Variants in GTF3C3 observed in about 807,000 individuals in gnomAD.
The protein encoded by GTF3C3 is general transcription factor 3C polypeptide 3.
GTF3C3 carries 75 observed loss-of-function variants against 105.2 expected under a neutral mutation model. The ratio of observed to expected loss-of-function variants is 0.71; its 90% CI spans 0.59 to 0.86. GTF3C3 has a LOEUF of 0.86. GTF3C3 is among the 40% of genes least tolerant of loss of function. GTF3C3 has a pLI of 0.00. For missense variants in GTF3C3, 856 were observed against 1,076.5 expected (o/e 0.80, Z 2.87); for synonymous variants, 335 against 370.4 (o/e 0.90, Z 1.10).
At chr2:196,798,948 TAAGC>T (rs1409580751) in intron 1 of GTF3C3, among the ~76,000 whole-genome samples, 8 of 151,970 alleles carry the variant, frequency 5.3e-5, no homozygotes, top group Admixed American at 5.2e-4. Context: ...GCACTTGAAG[TAAGC>T]AAGAAGATAC....
chr2:196,790,166 T>C, intron 4 of GTF3C3, 96 bp from the exon 5 acceptor site: 1 of 679,724 alleles, frequency 1.5e-6, no homozygotes. Context: ...TTTTTTTAAA[T>C]ACCTAAACTC....
rs1027527898 is a variant in GTF3C3, at chr2:196,773,167, A to G, written c.1832-14T>C. The G allele has an allele frequency of 5.6e-6, 8 of 1,417,914 alleles. No homozygotes were observed. The highest frequency in any genetic ancestry group is 3.8e-5 in the Admixed American group (2 of 53,058). 87.8% of individuals were successfully genotyped at this position (1,417,914 alleles called of 1,614,324 possible). On this transcript the variant is annotated splice_polypyrimidine_tract_variant and intron_variant, in intron 13 of 17. Transcript: ENST00000263956. ...CAGCAAATATTGCTAAAATGAGACC[A>G]ATGAAAACCAGTTAGGACACTGTAT...
At chr2:196,787,015 T>C (rs1699463163) in intron 6 of GTF3C3, among the ~76,000 whole-genome samples, 1 of 152,116 alleles carries the variant, frequency 6.6e-6, no homozygotes, top group Non-Finnish European at 1.5e-5. Flanking sequence ...TTTCTTTTAG[T>C]CTCCCAGCTG....
chr2:196,770,539 C>T (rs1699154095), intron 15 of GTF3C3, among the ~76,000 whole-genome samples: 1 of 152,068 alleles, frequency 6.6e-6, no homozygotes, highest in African/African-American at 2.4e-5. Context: ...TTTGTTTTTT[C>T]TGAGAAAGCT....
At position 196,763,331 on chromosome 2, in the gene GTF3C3, G is replaced by C. The variant is rs886530906; in HGVS notation, c.*1232C>G. 1 of 152,006 alleles carries C rather than the reference G, an allele frequency of 6.6e-6. No individual in the cohort carries two copies. The highest frequency in any genetic ancestry group is 2.4e-5 in the African/African-American group (1 of 41,372). The allele number at this position is 152,006 out of a possible 1,614,324, so 9.4% of individuals were successfully genotyped here. ...GTGAGCTAATTTAAGAGAGAAACTCGGAGCACAGAATGCTCAGTTCCACAG... is the reference window on the plus strand; with the variant it reads ...GTGAGCTAATTTAAGAGAGAAACTCCGAGCACAGAATGCTCAGTTCCACAG... On this transcript the variant is annotated 3_prime_UTR_variant, in exon 18 of 18. Coordinates refer to ENST00000263956, the MANE Select transcript of GTF3C3 (RefSeq NM_012086.5).
At chr2:196,772,879 T>TA in intron 14 of GTF3C3, 37 bp downstream of exon 14, 1 of 1,047,014 alleles carries the variant, frequency 9.6e-7, no homozygotes, top group Non-Finnish European at 1.4e-6. Context: ...CTTACTCTAT[T>TA]AAAGAATCTA....
chr2:196,764,660 A>G lies in GTF3C3; in HGVS notation c.2564T>C (p.Leu855Ser), dbSNP rs767964093. The G allele has an allele frequency of 2.5e-6, 4 of 1,612,130 alleles. No homozygotes were observed. Among genetic ancestry groups the G allele is most frequent in the Non-Finnish European group, 3.4e-6 (4 of 1,178,222 alleles). ...VEGIELDQLDLRRDIAYNLSL... is the reference protein window; with the variant it reads ...VEGIELDQLDSRRDIAYNLSL... The stretch of plus-strand genomic sequence containing the variant: ...CAAGTTGTAGGCAATATCTCTTCGT[A>G]AGTCTAACTGGTCAAGTTCTATACC... The change falls in exon 18 of 18, where the codon TTA (leucine) becomes TCA (serine). Residue 855 changes from leucine to serine, a missense_variant. This residue lies in a region of GTF3C3 where 134 missense variants were observed against 128.9 expected (regional missense o/e 1.04). Coordinates refer to ENST00000263956, the MANE Select transcript of GTF3C3 (RefSeq NM_012086.5).
In GTF3C3 at chr2:196,785,518, C is replaced by T; in HGVS notation, c.964G>A (p.Gly322Ser). ...TTAACATCTTCCATGGAGACTAGGC[C>T]CTGGTGTTTTGAGAAAGCTTCATCA... ...IIDEAFSKHQ[G>S]LVSMEDVNIA... The change falls in exon 7 of 18, where the codon GGC (glycine) becomes AGC (serine). Residue 322 changes from glycine to serine, a missense_variant. Gly to Ser is a moderately conservative substitution (Grantham distance 56). Transcript: ENST00000263956. The T allele has an allele frequency of 6.2e-7, 1 of 1,606,266 alleles. No homozygotes were observed. Among genetic ancestry groups the T allele is most frequent in the Non-Finnish European group, 8.5e-7 (1 of 1,173,604 alleles).
chr2:196,766,860 C>T, intron 16 of GTF3C3, 143 bp from the exon 17 acceptor site: 1 of 545,502 alleles, frequency 1.8e-6, no homozygotes. Context: ...TGTAGTATTA[C>T]AGTGTAGTTA....
chr2:196,775,201 T>C lies in GTF3C3; in HGVS notation c.1746A>G (p.Gly582=). The C allele has an allele frequency of 6.2e-7, 1 of 1,612,224 alleles. No individual in the cohort carries two copies. The change falls in exon 13 of 18, where the codon GGA becomes GGG. Residue 582 remains glycine (G), a synonymous_variant. Transcript: ENST00000263956. The stretch of plus-strand genomic sequence containing the variant: ...CTTTAATAAGATAAAGATGCCTCTC[T>C]CCAGACTTGGAACTGGATATCAAAC... ...QVCLISSSKS[G]ERHLYLIKVS... is the part of the protein sequence containing the mutation.
chr2:196,792,705 T>C (rs1699570959), intron 3 of GTF3C3, among the ~76,000 whole-genome samples: 2 of 152,290 alleles, frequency 1.3e-5, no homozygotes, highest in East Asian at 3.9e-4. Context: ...CAGCCTTGAC[T>C]TCCCCAGGCT....
intron 8 of GTF3C3, among the ~76,000 whole-genome samples, chr2:196,783,110 C>A (rs1448344946): frequency 2.0e-5 from 3 of 152,134 alleles, no homozygotes; most frequent in Admixed American, 1.3e-4. Context: ...ATCTCCTAGT[C>A]TTCTGGACAT....
intron 8 of GTF3C3, 200 bp downstream of exon 8, chr2:196,784,652 TCAAAA>T: frequency 3.9e-6 from 1 of 257,074 alleles, no homozygotes; most frequent in Non-Finnish European, 6.1e-6. Flanking sequence ...ATACAGGGAC[TCAAAA>T]CAAATTTTTT....
intron 15 of GTF3C3, among the ~76,000 whole-genome samples, chr2:196,770,403 A>T (rs1317103492): frequency 6.6e-6 from 1 of 152,196 alleles, no homozygotes; most frequent in East Asian, 1.9e-4. Context: ...TGTTTTGGTG[A>T]ACATTTTTAT....
At chr2:196,784,563 A>G (rs1465378691) in intron 8 of GTF3C3, among the ~76,000 whole-genome samples, 1 of 152,156 alleles carries the variant, frequency 6.6e-6, no homozygotes, top group Non-Finnish European at 1.5e-5. Flanking sequence ...AGTTTTTGAT[A>G]AACTTCAGTA....
chr2:196,782,409 T>C (rs1182262585), intron 8 of GTF3C3, among the ~76,000 whole-genome samples: 1 of 152,256 alleles, frequency 6.6e-6, no homozygotes, highest in East Asian at 1.9e-4. Flanking sequence ...GTGTTTTAAC[T>C]TTCAGCAAGA....
At position 196,764,765 on chromosome 2, in the gene GTF3C3, T is replaced by TAA. The variant is rs1031617892; in HGVS notation, c.2539-82_2539-81dup. Reference sequence around the variant, plus strand: ...ATTTTATGGCAAATTAATAGTTTTATAAGTGTAAGTAAGTTTTCAAAAGGT... The same window carrying TAA: ...ATTTTATGGCAAATTAATAGTTTTATAAAAGTGTAAGTAAGTTTTCAAAAGGT... On this transcript the variant is annotated intron_variant, in intron 17 of 17. Transcript: ENST00000263956. 2.1e-5 allele frequency: 26 copies of TAA among 1,246,594 alleles called. No homozygotes were observed. In the African/African-American group the frequency reaches 3.2e-4, roughly 15 times the overall value. The allele number at this position is 1,246,594 out of a possible 1,614,324, so 77.2% of individuals were successfully genotyped here.
chr2:196,789,784 A>G, intron 5 of GTF3C3, 95 bp downstream of exon 5: 1 of 737,878 alleles, frequency 1.4e-6, no homozygotes, highest in Admixed American at 3.2e-5. Context: ...AATTTATCTC[A>G]GCCAATATCA....
chr2:196,785,642 T>A, intron 6 of GTF3C3, 54 bp from the exon 7 acceptor site: 1 of 1,119,016 alleles, frequency 8.9e-7, no homozygotes, highest in Non-Finnish European at 1.3e-6. Flanking sequence ...ATTATAAAAC[T>A]CATTTCCTTG....
Sources: gnomAD v4.1 joint callset for allele counts (sites outside exome capture counted in the v4.1 genomes callset) on GRCh38, gnomAD v4.1.1 for gene constraint, gnomAD v4.1.1 regional missense constraint, MANE v1.5 for transcripts, NCBI Gene and HGNC (gene_info 2026-07-23, HGNC 2026-07-21) for gene names.